NALCN: variants seen among roughly 807,000 people sequenced by gnomAD.
The protein encoded by NALCN is sodium leak channel, non-selective, also known as sodium leak channel NALCN.
NALCN carries 111 observed loss-of-function variants against 225.3 expected under a neutral mutation model. The ratio of observed to expected loss-of-function variants is 0.49; its 90% confidence interval spans 0.42 to 0.58. The LOEUF is 0.58. Among genes scored for constraint, NALCN ranks in the 20% least tolerant of loss-of-function variants. The probability of loss-of-function intolerance (pLI) is 0.00; values close to 1 mark genes in which losing one functional copy is unlikely to be tolerated. For synonymous variants in NALCN, 764 were observed against 769.0 expected, an observed-to-expected ratio of 0.99 and a Z score of 0.11; for missense variants, 1,378 against 2,202.4, an observed-to-expected ratio of 0.63 and a Z score of 7.49.
In NALCN at chr13:101,237,764, C is replaced by A; in HGVS notation, c.1425G>T (p.Thr475=). 1.9e-6 allele frequency: 3 copies of A among 1,570,526 alleles called. No individual in the cohort carries two copies. In the East Asian group the frequency reaches 7.1e-5, roughly 37 times the overall value. The change falls in exon 12 of 44, where the codon ACG becomes ACT. Residue 475 remains threonine (T), a synonymous_variant. Coordinates refer to ENST00000251127, the MANE Select transcript of NALCN (RefSeq NM_052867.4). ...GCATTATTTTTATTACCTGAAAGTA[C>A]GTGAATTGTGAATGATAAAGATCTG... The part of the protein sequence containing the change: ...VYPDLYHSQF[T]YFQVLRVVRL...
intron 13 of NALCN, among the ~76,000 whole-genome samples, chr13:101,192,809 T>C (rs2039736256): frequency 6.6e-6 from 1 of 152,204 alleles, no homozygotes; most frequent in South Asian, 2.1e-4. Flanking sequence ...TATGTGTATC[T>C]GTGAGTCTCC....
chr13:101,199,940 C>T (rs78971952), intron 13 of NALCN, among the ~76,000 whole-genome samples: 1 of 152,110 alleles, frequency 6.6e-6, no homozygotes. Flanking sequence ...CCTTTGCATG[C>T]TCCTTTGCTG....
In NALCN at chr13:101,311,624, G is replaced by A. The variant is rs955707035; in HGVS notation, c.800-19258C>T. 8.1e-3 allele frequency among the ~76,000 whole-genome samples: 1,239 copies of A among 152,158 alleles called. 14 individuals carry two copies. The highest frequency in any genetic ancestry group is 0.026 in the African/African-American group (1,063 of 41,476). On this transcript the variant is annotated intron_variant, in intron 7 of 43. Transcript: ENST00000251127. ...CTGCATGTATTGAGATAATCATGTG[G>A]TTTTTGTCTTTGGTTCTGTTTATAT...
rs544475804 is a variant in NALCN at position 101,164,736 on chromosome 13, G to T, written c.1839+11564C>A. On this transcript the variant is annotated intron_variant, in intron 15 of 43. Coordinates refer to ENST00000251127, the MANE Select transcript of NALCN (RefSeq NM_052867.4). ...GCTGTTTATGTCTTAGTGTGACAGA[G>T]AATTTATTATAAAAAGTCTAACATT... Among the ~76,000 whole-genome samples, 4 of 152,230 alleles carry T rather than the reference G, an allele frequency of 2.6e-5. 1 individual carries two copies. Among genetic ancestry groups the T allele is most frequent in the African/African-American group, 9.6e-5 (4 of 41,530 alleles).
At chr13:101,205,878 A>G (rs1350538654) in intron 13 of NALCN, among the ~76,000 whole-genome samples, 1 of 152,128 alleles carries the variant, frequency 6.6e-6, no homozygotes, top group Non-Finnish European at 1.5e-5. Flanking sequence ...CCATTGTTAA[A>G]TGGAGGATTA....
chr13:101,299,947 C>G (rs2043890918), intron 7 of NALCN, among the ~76,000 whole-genome samples: 1 of 151,888 alleles, frequency 6.6e-6, no homozygotes, highest in Admixed American at 6.6e-5. Context: ...TAACTGAGAG[C>G]TGGTTCTGTG....
chr13:101,145,556 G>C (rs1201043701), intron 15 of NALCN, among the ~76,000 whole-genome samples: 2 of 152,186 alleles, frequency 1.3e-5, no homozygotes, highest in African/African-American at 2.4e-5. Context: ...TCTACAAATT[G>C]AGTTTCAGGG....
chr13:101,394,529 A>G (rs1347547614), intron 3 of NALCN, among the ~76,000 whole-genome samples: 4 of 152,210 alleles, frequency 2.6e-5, no homozygotes, highest in Non-Finnish European at 5.9e-5. Flanking sequence ...CATCATCTAC[A>G]TATGTTTAAC....
At chr13:101,313,696 C>A (rs2044442261) in intron 7 of NALCN, among the ~76,000 whole-genome samples, 1 of 152,168 alleles carries the variant, frequency 6.6e-6, no homozygotes, top group Non-Finnish European at 1.5e-5. Context: ...AACAGGAACA[C>A]TTTTACACTG....
At chr13:101,119,971 C>A (rs1241197544) in intron 18 of NALCN, among the ~76,000 whole-genome samples, 2 of 151,818 alleles carry the variant, frequency 1.3e-5, no homozygotes, top group Non-Finnish European at 2.9e-5. Context: ...TCAAAAAATT[C>A]ATTTATATTT....
At chr13:101,291,576 C>T (rs2043553713) in intron 9 of NALCN, among the ~76,000 whole-genome samples, 1 of 152,098 alleles carries the variant, frequency 6.6e-6, no homozygotes, top group African/African-American at 2.4e-5. Context: ...GGGATAGGAT[C>T]TTGCTCTGTC....
chr13:101,249,854 C>T lies in NALCN; in HGVS notation c.1266+8589G>A, dbSNP rs1267082128. 2.0e-5 allele frequency among the ~76,000 whole-genome samples: 3 copies of T among 152,024 alleles called. No homozygotes were observed. The East Asian group carries it at 5.8e-4, about 29-fold the overall frequency. On this transcript the variant is annotated intron_variant, in intron 11 of 43. Coordinates refer to ENST00000251127, the MANE Select transcript of NALCN (RefSeq NM_052867.4). ...AAAACACCCAGCATGTCCACTATCA[C>T]TGCCTCTATTCAACATTTTATTAGA...
At chr13:101,389,804 G>A (rs1237921724) in intron 3 of NALCN, among the ~76,000 whole-genome samples, 5 of 152,176 alleles carry the variant, frequency 3.3e-5, no homozygotes, top group African/African-American at 7.2e-5. Context: ...TACATAGGCC[G>A]GGCATGGTGG....
At chr13:101,192,309 TGAGCAAATTA>T (rs2039714208) in intron 13 of NALCN, among the ~76,000 whole-genome samples, 1 of 152,210 alleles carries the variant, frequency 6.6e-6, no homozygotes, top group Non-Finnish European at 1.5e-5. Context: ...TAAATGCTGT[TGAGCAAATTA>T]GAAACAAATT....
intron 4 of NALCN, among the ~76,000 whole-genome samples, chr13:101,377,528 A>T (rs961565481): frequency 6.6e-6 from 1 of 152,212 alleles, no homozygotes; most frequent in African/African-American, 2.4e-5. Context: ...GAACACATTA[A>T]TGTGAGAAAC....
intron 1 of NALCN, among the ~76,000 whole-genome samples, chr13:101,411,262 A>AT (rs2047776578): frequency 6.7e-6 from 1 of 150,160 alleles, no homozygotes; most frequent in Non-Finnish European, 1.5e-5. Context: ...TCCCAATACC[A>AT]TTTTAGGTCA....
chr13:101,218,787 G>A (rs576425755), intron 13 of NALCN, among the ~76,000 whole-genome samples: 1 of 152,016 alleles, frequency 6.6e-6, no homozygotes. Context: ...GTGATTGTAA[G>A]TTTCTTGTGG....
intron 14 of NALCN, 27 bp from the exon 15 acceptor site, chr13:101,176,401 A>G (rs754430185): frequency 6.5e-7 from 1 of 1,537,272 alleles, no homozygotes; most frequent in South Asian, 1.2e-5. Flanking sequence ...TAACAATGAA[A>G]AAACCCACAT....
At chr13:101,056,714 G>A (rs1220641720) in intron 43 of NALCN, among the ~76,000 whole-genome samples, 1 of 152,084 alleles carries the variant, frequency 6.6e-6, no homozygotes, top group Non-Finnish European at 1.5e-5. Flanking sequence ...CTCACACCAC[G>A]GTAACTTCCT....
Sources: allele counts gnomAD v4.1 joint callset (sites outside exome capture counted in the v4.1 genomes callset), GRCh38; gene constraint gnomAD v4.1.1; transcripts MANE v1.5; gene names NCBI Gene and HGNC (gene_info 2026-07-23, HGNC 2026-07-21).